Variants in FBXO21 observed in about 807,000 individuals in gnomAD.
FBXO21 encodes the protein F-box protein 21, also known as F-box only protein 21.
A neutral mutation model predicts 76.6 loss-of-function variants in FBXO21; 32 were observed. That is an observed-to-expected ratio of 0.42 (90% CI 0.32 to 0.56). The LOEUF (loss-of-function observed/expected upper bound fraction) is 0.56, where lower values mean the gene tolerates loss of function less well. Among genes scored for constraint, FBXO21 ranks in the 20% least tolerant of loss-of-function variants. FBXO21 has a pLI of 0.16. For missense variants in FBXO21, 586 were observed against 797.3 expected (o/e 0.73, Z 3.19); for synonymous variants, 328 against 311.5 (o/e 1.05, Z -0.56).
chr12:117,180,960 C>T (rs1956222796), intron 3 of FBXO21, among the ~76,000 whole-genome samples: 1 of 152,116 alleles, frequency 6.6e-6, no homozygotes, highest in Non-Finnish European at 1.5e-5. Flanking sequence ...ATATGTTCTC[C>T]CCCACTGTCC....
At chr12:117,161,117 G>A (rs956762812) in intron 9 of FBXO21, among the ~76,000 whole-genome samples, 1 of 152,104 alleles carries the variant, frequency 6.6e-6, no homozygotes, top group Non-Finnish European at 1.5e-5. Context: ...GCTCTAGGAA[G>A]GGCAAGCACA....
At chr12:117,178,130 T>A (rs1370908952) in intron 3 of FBXO21, among the ~76,000 whole-genome samples, 1 of 152,180 alleles carries the variant, frequency 6.6e-6, no homozygotes, top group East Asian at 1.9e-4. Context: ...CTCAGATAGC[T>A]GAGCACTTTC....
At position 117,186,382 on chromosome 12, in the gene FBXO21, G is replaced by A; in HGVS notation, c.470+95C>T. On this transcript the variant is annotated intron_variant, in intron 3 of 11. Coordinates refer to ENST00000622495, the MANE Select transcript of FBXO21 (RefSeq NM_015002.3). ...ACTATGACAAGGCGTGAAATATTTG[G>A]AATCACATATTCCAGGGTTTAGCCA... The A allele has an allele frequency of 3.6e-6, 3 of 840,110 alleles. No individual in the cohort carries two copies. The South Asian group carries it at 4.4e-5, about 12-fold the overall frequency. The allele number at this position is 840,110 out of a possible 1,614,324, so 52.0% of individuals were successfully genotyped here.
intron 9 of FBXO21, among the ~76,000 whole-genome samples, chr12:117,160,937 A>G (rs1330782483): frequency 6.6e-6 from 1 of 152,114 alleles, no homozygotes; most frequent in African/African-American, 2.4e-5. Flanking sequence ...CCTGGCAGTT[A>G]TTTCTTAATT....
chr12:117,169,931 T>C (rs1467836768), intron 7 of FBXO21, among the ~76,000 whole-genome samples: 1 of 151,774 alleles, frequency 6.6e-6, no homozygotes, highest in Non-Finnish European at 1.5e-5. Flanking sequence ...AAGAAACAAA[T>C]ATATATAGTT....
intron 6 of FBXO21, 81 bp downstream of exon 6, chr12:117,174,124 G>A (rs1256246048): frequency 5.0e-5 from 58 of 1,165,840 alleles, no homozygotes; most frequent in South Asian, 3.8e-4. Context: ...GCAACAGAGC[G>A]AGACCCTGTC....
intron 7 of FBXO21, among the ~76,000 whole-genome samples, chr12:117,168,598 C>G (rs1956085269): frequency 6.6e-6 from 1 of 151,980 alleles, no homozygotes; most frequent in Admixed American, 6.6e-5. Context: ...CATAAATGTT[C>G]TAGAAACAAG....
At chr12:117,170,997 T>C (rs1002169183) in intron 7 of FBXO21, among the ~76,000 whole-genome samples, 2 of 152,018 alleles carry the variant, frequency 1.3e-5, no homozygotes, top group African/African-American at 4.8e-5. Context: ...GAAACACATA[T>C]CTGGAACACA....
At chr12:117,176,460 C>T (rs1956174771) in intron 4 of FBXO21, among the ~76,000 whole-genome samples, 1 of 152,030 alleles carries the variant, frequency 6.6e-6, no homozygotes, top group South Asian at 2.1e-4. Flanking sequence ...AAGGTCTGGA[C>T]CAGATTATGC....
At chr12:117,167,889 C>T (rs1487604847) in intron 7 of FBXO21, among the ~76,000 whole-genome samples, 1 of 152,206 alleles carries the variant, frequency 6.6e-6, no homozygotes, top group Non-Finnish European at 1.5e-5. Flanking sequence ...GAGAGCTGTG[C>T]CCCTGGCCTT....
chr12:117,184,734 G>A (rs532768059), intron 3 of FBXO21, among the ~76,000 whole-genome samples: 67 of 152,174 alleles, frequency 4.4e-4, no homozygotes, highest in African/African-American at 1.5e-3. Flanking sequence ...CTACAAGAGC[G>A]AAATTCCATC....
At chr12:117,162,267 A>G (rs570383701) in intron 9 of FBXO21, among the ~76,000 whole-genome samples, 2 of 145,344 alleles carry the variant, frequency 1.4e-5, no homozygotes, top group East Asian at 3.9e-4. Flanking sequence ...GGCAGCAGGA[A>G]GGAGAAGGTG....
chr12:117,156,182 A>G (rs1002726896), intron 10 of FBXO21, among the ~76,000 whole-genome samples: 4 of 152,216 alleles, frequency 2.6e-5, no homozygotes, highest in African/African-American at 9.6e-5. Context: ...TGGTTACCCA[A>G]AAGAAAAAGG....
intron 8 of FBXO21, 147 bp from the exon 9 acceptor site, chr12:117,165,764 A>C: frequency 1.4e-6 from 1 of 727,264 alleles, no homozygotes; most frequent in Non-Finnish European, 2.1e-6. Flanking sequence ...ACGAAGAGAT[A>C]CAATGCTCTT....
intron 11 of FBXO21, among the ~76,000 whole-genome samples, chr12:117,150,249 A>G (rs1205909202): frequency 6.6e-5 from 10 of 152,236 alleles, no homozygotes; most frequent in Non-Finnish European, 1.2e-4. Flanking sequence ...GTTCTGAAAA[A>G]TCCTGAGAAA....
rs183728110 is a variant in FBXO21 at position 117,157,768 on chromosome 12, A to C, written c.1517+105T>G. The C allele has an allele frequency of 2.4e-5, 23 of 961,084 alleles. No homozygotes were observed. The Admixed American group carries it at 4.6e-4, about 19-fold the overall frequency. The allele number at this position is 961,084 out of a possible 1,614,324, so 59.5% of individuals were successfully genotyped here. ...TGCGCACTCGGGGGATAAGTGATCC[A>C]GTCAGCTCCTCCTCCACTGTGTCCT... On this transcript the variant is annotated intron_variant, in intron 10 of 11. Coordinates refer to ENST00000622495, the MANE Select transcript of FBXO21 (RefSeq NM_015002.3).
At chr12:117,181,051 AG>A (rs1363835482) in intron 3 of FBXO21, among the ~76,000 whole-genome samples, 2 of 152,194 alleles carry the variant, frequency 1.3e-5, no homozygotes, top group African/African-American at 4.8e-5. Context: ...TCTCCCCTAG[AG>A]CCCTCATTTG....
chr12:117,155,121 CAT>C (rs1440554250), intron 11 of FBXO21: 1 of 152,314 alleles, frequency 6.6e-6, no homozygotes, highest in Non-Finnish European at 1.5e-5. Context: ...CTTTGACAGA[CAT>C]ACACTGAATT....
chr12:117,178,064 T>C (rs1566006225), intron 3 of FBXO21, among the ~76,000 whole-genome samples: 1 of 152,184 alleles, frequency 6.6e-6, no homozygotes, highest in East Asian at 1.9e-4. Context: ...AGACCAGAGT[T>C]CTCTCTTGAA....
Sources: gnomAD v4.1 joint callset for allele counts (sites outside exome capture counted in the v4.1 genomes callset) on GRCh38, gnomAD v4.1.1 for gene constraint, MANE v1.5 for transcripts, NCBI Gene and HGNC (gene_info 2026-07-23, HGNC 2026-07-21) for gene names.